Variants in ADTRP observed in about 807,000 individuals in gnomAD.
The protein encoded by ADTRP is androgen dependent TFPI regulating protein, also known as androgen-dependent TFPI-regulating protein.
A neutral mutation model predicts 27.0 loss-of-function variants in ADTRP; 20 were observed. The ratio of observed to expected loss-of-function variants is 0.74; its 90% confidence interval spans 0.52 to 1.08. ADTRP has a LOEUF of 1.08. ADTRP is among the 50% of genes least tolerant of loss of function. The pLI is 0.00. For synonymous variants in ADTRP, 101 were observed against 105.2 expected (o/e 0.96, Z 0.25); for missense variants, 251 against 275.0 (o/e 0.91, Z 0.62).
At chr6:11,744,689 T>C (rs1762814263) in intron 3 of ADTRP, among the ~76,000 whole-genome samples, 1 of 152,196 alleles carries the variant, frequency 6.6e-6, no homozygotes, top group Admixed American at 6.5e-5. Flanking sequence ...TTTGCCTGGC[T>C]TCACATGGTG....
intron 3 of ADTRP, among the ~76,000 whole-genome samples, chr6:11,755,732 A>G (rs895307576): frequency 1.3e-5 from 2 of 152,214 alleles, no homozygotes; most frequent in Admixed American, 6.5e-5. Flanking sequence ...GAATTTTTTA[A>G]AAAAGGGTGG....
intron 1 of ADTRP, among the ~76,000 whole-genome samples, chr6:11,776,269 T>C (rs1462726594): frequency 1.3e-5 from 2 of 152,178 alleles, no homozygotes; most frequent in Admixed American, 6.5e-5. Flanking sequence ...GGCCAGAAGA[T>C]ACCAGAAGAG....
intron 5 of ADTRP, 95 bp downstream of exon 5, chr6:11,723,254 T>G (rs1402965451): frequency 6.8e-7 from 1 of 1,478,938 alleles, no homozygotes; most frequent in Non-Finnish European, 9.2e-7. Context: ...CATCATTGCT[T>G]CTGTTTGCGG....
At chr6:11,754,898 C>T in intron 3 of ADTRP, 1 of 396,800 alleles carries the variant, frequency 2.5e-6, no homozygotes, top group Non-Finnish European at 3.4e-6. Context: ...CTCTCATCCG[C>T]CCAGCAGGCT....
At chr6:11,747,330 A>G (rs1762897561) in intron 3 of ADTRP, among the ~76,000 whole-genome samples, 1 of 152,176 alleles carries the variant, frequency 6.6e-6, no homozygotes, top group African/African-American at 2.4e-5. Context: ...TCTCCAGAAT[A>G]CCCCTCTGAA....
At chr6:11,775,945 G>C (rs1040164841) in intron 1 of ADTRP, among the ~76,000 whole-genome samples, 1 of 152,178 alleles carries the variant, frequency 6.6e-6, no homozygotes, top group East Asian at 1.9e-4. Flanking sequence ...ATAAGAATGT[G>C]AGCGTAAGTT....
At chr6:11,752,343 T>C (rs1281382912) in intron 3 of ADTRP, among the ~76,000 whole-genome samples, 3 of 152,194 alleles carry the variant, frequency 2.0e-5, no homozygotes, top group African/African-American at 7.2e-5. Flanking sequence ...CTTTTTTCCT[T>C]TGAATGAATA....
chr6:11,749,518 A>G (rs2113280680), intron 3 of ADTRP, among the ~76,000 whole-genome samples: 1 of 152,230 alleles, frequency 6.6e-6, no homozygotes, highest in Admixed American at 6.5e-5. Context: ...GGGAAAGGGC[A>G]TTAGCAAAGC....
At chr6:11,778,139 G>A (rs1299543083) in intron 1 of ADTRP, among the ~76,000 whole-genome samples, 2 of 152,224 alleles carry the variant, frequency 1.3e-5, no homozygotes, top group Admixed American at 1.3e-4. Flanking sequence ...GGCAAAATGT[G>A]TTTGCTTTTC....
At chr6:11,715,357 C>T (rs1761776518) in intron 5 of ADTRP, among the ~76,000 whole-genome samples, 1 of 152,148 alleles carries the variant, frequency 6.6e-6, no homozygotes, top group African/African-American at 2.4e-5. Context: ...TTCCATTCTG[C>T]TGGAACTCCA....
rs577647340 is a variant in ADTRP at position 11,714,747 on chromosome 6, C to T, written c.659-235G>A. 7.9e-4 allele frequency among the ~76,000 whole-genome samples: 121 copies of T among 152,334 alleles called. 1 individual carries two copies. The highest frequency in any genetic ancestry group is 2.9e-3 in the African/African-American group (119 of 41,584). ...GGGTTCACAGTTAGCCAGGCACCCA[C>T]GATGCTGTTTGCCTTCAGGTACTCT... On this transcript the variant is annotated intron_variant, in intron 5 of 5. Transcript: ENST00000414691.
chr6:11,741,819 A>C (rs554819683), intron 3 of ADTRP, among the ~76,000 whole-genome samples: 1 of 152,032 alleles, frequency 6.6e-6, no homozygotes, highest in Non-Finnish European at 1.5e-5. Context: ...ACCCCTCTAA[A>C]GTATCCAAAT....
intron 1 of ADTRP, among the ~76,000 whole-genome samples, chr6:11,775,628 G>A (rs1379382179): frequency 6.6e-6 from 1 of 152,054 alleles, no homozygotes; most frequent in Non-Finnish European, 1.5e-5. Context: ...AGTCAGAAAT[G>A]GGTCACCCTG....
At chr6:11,775,546 CT>C (rs1197522383) in intron 1 of ADTRP, among the ~76,000 whole-genome samples, 2 of 152,146 alleles carry the variant, frequency 1.3e-5, no homozygotes, top group African/African-American at 4.8e-5. Flanking sequence ...TCAGTGGCCC[CT>C]TCACTGAGGT....
chr6:11,775,028 G>T (rs2235387), intron 1 of ADTRP, among the ~76,000 whole-genome samples: 50,751 of 152,086 alleles, frequency 0.33, 9,431 homozygotes, highest in Non-Finnish European at 0.41. Flanking sequence ...CCACCAGGAC[G>T]GCCTGGTGCC....
intron 3 of ADTRP, among the ~76,000 whole-genome samples, chr6:11,764,986 A>G (rs1480350574): frequency 6.6e-6 from 1 of 151,790 alleles, no homozygotes; most frequent in East Asian, 1.9e-4. Context: ...GAAGAGTTTG[A>G]CAAGAAAAAG....
chr6:11,762,762 A>G (rs532546349), intron 3 of ADTRP, among the ~76,000 whole-genome samples: 63 of 152,322 alleles, frequency 4.1e-4, no homozygotes, highest in Non-Finnish European at 7.2e-4. Context: ...TCAAAGATAG[A>G]AGGGGCTCTG....
chr6:11,766,807 G>C (rs755577463), intron 2 of ADTRP, among the ~76,000 whole-genome samples: 81 of 152,160 alleles, frequency 5.3e-4, no homozygotes, highest in Non-Finnish European at 1.1e-3. Flanking sequence ...AGGGGAAGCA[G>C]GAAGCCTGAG....
intron 3 of ADTRP, among the ~76,000 whole-genome samples, chr6:11,740,258 A>G (rs571780185): frequency 7.9e-4 from 120 of 152,348 alleles, no homozygotes; most frequent in South Asian, 1.7e-3. Flanking sequence ...AGTCTCTGCA[A>G]TAATACCTTT....
Sources: gnomAD v4.1 joint callset for allele counts (sites outside exome capture counted in the v4.1 genomes callset) on GRCh38, gnomAD v4.1.1 for gene constraint, MANE v1.5 for transcripts, NCBI Gene and HGNC (gene_info 2026-07-23, HGNC 2026-07-21) for gene names.